The following HEATR4 variants were observed in gnomAD, a reference collection of about 807,000 sequenced individuals.
HEATR4 encodes HEAT repeat containing 4, also known as HEAT repeat-containing protein 4.
In HEATR4, 95 loss-of-function variants were observed where a neutral mutation model predicts 108.8. That is an observed-to-expected ratio of 0.87 (90% CI 0.74 to 1.04). The LOEUF (loss-of-function observed/expected upper bound fraction) is 1.04, where lower values mean the gene tolerates loss of function less well. Among genes scored for constraint, HEATR4 ranks in the 50% least tolerant of loss-of-function variants. HEATR4 has a pLI of 0.00. For synonymous variants in HEATR4, 443 were observed against 459.4 expected, an observed-to-expected ratio of 0.96 and a Z score of 0.46; for missense variants, 1,152 against 1,253.8, an observed-to-expected ratio of 0.92 and a Z score of 1.23.
In HEATR4 at chr14:73,498,280, A is replaced by G. The variant is rs770282493; in HGVS notation, c.2421T>C (p.Tyr807=). The G allele has an allele frequency of 6.2e-6, 10 of 1,614,090 alleles. No individual in the cohort carries two copies. The highest frequency in any genetic ancestry group is 2.7e-5 in the African/African-American group (2 of 75,048). The part of the protein sequence containing the change: ...LTDLLLWAIH[Y]EESPGVRLEA... ...CCAGCCGTACACCTGGTGACTCTTCATAGTGGATAGCCCAGAGCAGAAGAT... is the reference window on the plus strand; with the variant it reads ...CCAGCCGTACACCTGGTGACTCTTCGTAGTGGATAGCCCAGAGCAGAAGAT... Residue 807 remains tyrosine, a synonymous_variant, in exon 14 of 18, where the codon TAT becomes TAC. Coordinates refer to ENST00000553558, the MANE Select transcript of HEATR4 (RefSeq NM_001220484.1).
the HEATR4 span, chr14:73,592,141 A>G: frequency 1.3e-6 from 2 of 1,590,154 alleles, no homozygotes; most frequent in Admixed American, 1.7e-5. Context: ...GGCGAGCTGG[A>G]CCTGGAGCGC....
rs1177911524 is a variant in HEATR4 at position 73,544,493 on chromosome 14, C to T, written c.-151-14249G>A. On this transcript the variant is annotated intron_variant, in intron 1 of 17. Coordinates refer to ENST00000553558, the MANE Select transcript of HEATR4 (RefSeq NM_001220484.1). The stretch of plus-strand genomic sequence containing the variant: ...ATATTTAGTTCTTTGATATCTTCTC[C>T]TTGGATTAATAAGGATTCTCCTAGT... 1.7e-5 allele frequency among the ~76,000 whole-genome samples: 2 copies of T among 114,928 alleles called. 1 individual carries two copies. The highest frequency in any genetic ancestry group is 3.8e-5 in the Non-Finnish European group (2 of 52,830). 75.4% of individuals were successfully genotyped at this position (114,928 alleles called of 152,430 possible). A position where few individuals can be genotyped will look rare whatever the true frequency, so the allele number is the denominator to read the frequency against.
Position 73,519,793 on chromosome 14 carries a change from G to A in HEATR4, c.1070-630C>T, listed in dbSNP as rs576307776. 7.2e-5 allele frequency among the ~76,000 whole-genome samples: 11 copies of A among 152,218 alleles called. No homozygotes were observed. In the South Asian group the frequency reaches 8.3e-4, roughly 11 times the overall value. Reference sequence around the variant, plus strand: ...AGCACTTTGGGAGGCTAAGGAGGGCGGATCACAAGGTCAAGAGATTGTGAC... The same window carrying A: ...AGCACTTTGGGAGGCTAAGGAGGGCAGATCACAAGGTCAAGAGATTGTGAC... On this transcript the variant is annotated intron_variant, in intron 4 of 17. Transcript: ENST00000553558.
chr14:73,574,935 G>A, the HEATR4 span: 43 of 1,604,416 alleles, frequency 2.7e-5, no homozygotes, highest in Non-Finnish European at 3.3e-5. Context: ...TGGGCTGCTT[G>A]GAATTTCCAA....
At chr14:73,496,740 T>A in intron 14 of HEATR4, 61 bp from the exon 15 acceptor site, 1 of 890,682 alleles carries the variant, frequency 1.1e-6, no homozygotes, top group Non-Finnish European at 1.9e-6. Flanking sequence ...AGTATGGGGG[T>A]AGAAAATATA....
intron 10 of HEATR4, among the ~76,000 whole-genome samples, chr14:73,506,226 C>T (rs1395847357): frequency 1.3e-5 from 2 of 152,098 alleles, no homozygotes; most frequent in African/African-American, 4.8e-5. Context: ...AGTTTTTGTG[C>T]TATTTCATTG....
intron 9 of HEATR4, 61 bp downstream of exon 9, chr14:73,508,073 A>C: frequency 6.7e-7 from 1 of 1,485,326 alleles, no homozygotes; most frequent in Non-Finnish European, 9.4e-7. Flanking sequence ...GCTTACATTC[A>C]CTGACCTCAA....
At chr14:73,615,407 AC>A in the HEATR4 span, among the ~76,000 whole-genome samples, 40,251 of 117,540 alleles carry the variant, frequency 0.34, 9,884 homozygotes, top group East Asian at 0.63. Flanking sequence ...AAAAAAAAAA[AC>A]AAAAAACAAA....
the HEATR4 span, among the ~76,000 whole-genome samples, chr14:73,587,848 CTTAA>C: frequency 2.8e-4 from 42 of 152,160 alleles, no homozygotes; most frequent in Admixed American, 7.2e-4. Flanking sequence ...TGCTAATGCG[CTTAA>C]TTATTTTGTT....
At position 73,492,234 on chromosome 14, in the gene HEATR4, A is replaced by G; in HGVS notation, c.2844+832T>C. On this transcript the variant is annotated intron_variant, in intron 17 of 17. Coordinates refer to ENST00000553558, the MANE Select transcript of HEATR4 (RefSeq NM_001220484.1). This position sits in a 1 kb window ranked among gnomAD's most constrained non-coding sequence, Gnocchi z 4.9. ...TATTTTCCTCGGGGCTTCATTCACC[A>G]AGCTGAATGCCAGGATGGAGTCCAC... 6.2e-7 allele frequency: 1 copy of G among 1,613,968 alleles called. No homozygotes were observed. The highest frequency in any genetic ancestry group is 8.5e-7 in the Non-Finnish European group (1 of 1,179,884).
intron 11 of HEATR4, among the ~76,000 whole-genome samples, chr14:73,501,847 A>C (rs1236773694): frequency 6.6e-6 from 1 of 151,052 alleles, no homozygotes; most frequent in Non-Finnish European, 1.5e-5. Context: ...TCCAACTCCC[A>C]GGTTCACGCC....
At chr14:73,501,509 C>T (rs563531240) in intron 11 of HEATR4, among the ~76,000 whole-genome samples, 1 of 151,688 alleles carries the variant, frequency 6.6e-6, no homozygotes, top group South Asian at 2.1e-4. Context: ...CCTGCCTCAG[C>T]CTGAGTAGCT....
chr14:73,572,174 G>GAAAT, the HEATR4 span, among the ~76,000 whole-genome samples: 1 of 31,688 alleles, frequency 3.2e-5, no homozygotes, highest in Non-Finnish European at 4.8e-5. Flanking sequence ...CTTATAAGAG[G>GAAAT]CCAGATGAGC....
chr14:73,599,438 ATCACCACTGT>A, the HEATR4 span, among the ~76,000 whole-genome samples: 1 of 152,152 alleles, frequency 6.6e-6, no homozygotes, highest in African/African-American at 2.4e-5. Flanking sequence ...GTAGGAATGG[ATCACCACTGT>A]TCGAAGTGAC....
chr14:73,554,115 A>C (rs1399784167), intron 1 of HEATR4, among the ~76,000 whole-genome samples: 1 of 113,872 alleles, frequency 8.8e-6, no homozygotes, highest in African/African-American at 2.8e-5. Flanking sequence ...CAGGAGTTGG[A>C]GACCAGCCTG....
At chr14:73,495,158 A>G in intron 16 of HEATR4, 70 bp downstream of exon 16, 1 of 1,443,058 alleles carries the variant, frequency 6.9e-7, no homozygotes, top group Non-Finnish European at 9.5e-7. Flanking sequence ...ACTAAGTCCC[A>G]AAACATCCAG....
At chr14:73,577,848 T>C in the HEATR4 span, among the ~76,000 whole-genome samples, 1 of 150,638 alleles carries the variant, frequency 6.6e-6, no homozygotes, top group African/African-American at 2.5e-5. Context: ...CATGATCTTA[T>C]AAAAACAATT....
At chr14:73,592,155 C>G in the HEATR4 span, 1 of 1,597,606 alleles carries the variant, frequency 6.3e-7, no homozygotes, top group Non-Finnish European at 8.5e-7. Flanking sequence ...GGAGCGCGCA[C>G]CCGCGCTGGG....
chr14:73,514,086 C>T lies in HEATR4; in HGVS notation c.1359G>A (p.Trp453Ter), dbSNP rs142163355. 6.2e-7 allele frequency: 1 copy of T among 1,614,174 alleles called. No homozygotes were observed. The highest frequency in any genetic ancestry group is 8.5e-7 in the Non-Finnish European group (1 of 1,180,048). Residue 453 changes from tryptophan to a stop codon, truncating the protein, a stop_gained, in exon 6 of 18, where the codon TGG (tryptophan) becomes TGA (stop). Coordinates refer to ENST00000553558, the MANE Select transcript of HEATR4 (RefSeq NM_001220484.1). LOFTEE classifies it high-confidence loss of function. ...QAKSLQEDVTWELVVLRRMLK... is the reference protein window; with the variant it reads ...QAKSLQEDVT ...GCATCCTCCGCAGGACCACCAGTTC[C>T]CAGGTCACATCCTCCTGCAGTGATT...
Sources: gnomAD v4.1 joint callset for allele counts (sites outside exome capture counted in the v4.1 genomes callset) on GRCh38, gnomAD v4.1.1 for gene constraint, Gnocchi (gnomAD v3.1) non-coding constraint, MANE v1.5 for transcripts, NCBI Gene and HGNC (gene_info 2026-07-23, HGNC 2026-07-21) for gene names.